Variants in KDM5A observed in about 807,000 individuals in gnomAD.
KDM5A encodes lysine-specific demethylase 5A.
In KDM5A, 42 loss-of-function variants were observed where a neutral mutation model predicts 193.5. The ratio of observed to expected loss-of-function variants is 0.22; its 90% CI spans 0.17 to 0.28. KDM5A has a LOEUF of 0.28. Among genes scored for constraint, KDM5A ranks in the 10% least tolerant of loss-of-function variants. The pLI is 1.00. For synonymous variants in KDM5A, 796 were observed against 718.1 expected, an observed-to-expected ratio of 1.11 and a Z score of -1.73; for missense variants, 1,692 against 2,055.1, an observed-to-expected ratio of 0.82 and a Z score of 3.42.
At position 293,125 on chromosome 12, in the gene KDM5A, G is replaced by T; in HGVS notation, c.4500C>A (p.Asp1500Glu). ...TCCGTTTCCGTTTCTTCTCTGAAGA[G>T]TCCTTTCCTTTCACTTTTAGTGGTT... ...EEKPLKVKGK[D>E]SSEKKRKRKL... The change falls in exon 27 of 28, where the codon GAC (aspartate) becomes GAA (glutamate). Residue 1500 changes from aspartate (D) to glutamate (E), a missense_variant. Asp to Glu is a conservative substitution (Grantham distance 45). Transcript: ENST00000399788. The T allele has an allele frequency of 6.2e-7, 1 of 1,608,330 alleles. No individual in the cohort carries two copies. Among genetic ancestry groups the T allele is most frequent in the East Asian group, 2.2e-5 (1 of 44,854 alleles).
chr12:282,173 AAG>A lies in KDM5A; in HGVS notation c.*3281_*3282del, dbSNP rs1338134087. On this transcript the variant is annotated 3_prime_UTR_variant, in exon 28 of 28. Coordinates refer to ENST00000399788, the MANE Select transcript of KDM5A (RefSeq NM_001042603.3). ...CAGCTTAGCCTCTGTCCTTTAAAAA[AAG>A]AGAGAGACAGACAGACACATGGGGT... The A allele has an allele frequency of 2.0e-5, 5 of 252,416 alleles. No individual in the cohort carries two copies. Among genetic ancestry groups the A allele is most frequent in the East Asian group, 5.9e-5 (1 of 16,828 alleles). 15.6% of individuals were successfully genotyped at this position (252,416 alleles called of 1,614,324 possible). A position where few individuals can be genotyped will look rare whatever the true frequency, so the allele number is the denominator to read the frequency against.
intron 3 of KDM5A, among the ~76,000 whole-genome samples, chr12:380,294 A>C (rs908852142): frequency 6.6e-6 from 1 of 151,992 alleles, no homozygotes; most frequent in African/African-American, 2.4e-5. Flanking sequence ...TTAACTTACC[A>C]TCAGATTAAA....
In KDM5A at chr12:331,474, G is replaced by C. The variant is rs868186144; in HGVS notation, c.1773+345C>G. On this transcript the variant is annotated intron_variant, in intron 13 of 27. Transcript: ENST00000399788. ...CTCTTCTGAGCATCTGACCAGAAGGGAGGGAGTCAAAATAAAGGAAAGAAG... is the reference window on the plus strand; with the variant it reads ...CTCTTCTGAGCATCTGACCAGAAGGCAGGGAGTCAAAATAAAGGAAAGAAG... 2.0e-5 allele frequency among the ~76,000 whole-genome samples: 3 copies of C among 152,230 alleles called. No homozygotes were observed. The South Asian group carries it at 6.2e-4, about 32-fold the overall frequency.
intron 3 of KDM5A, among the ~76,000 whole-genome samples, chr12:380,228 C>T (rs79754263): frequency 0.052 from 7,883 of 150,836 alleles, 554 homozygotes; most frequent in East Asian, 0.3. Flanking sequence ...GAGATCACGC[C>T]TCTAGCCTGG....
At chr12:318,016 A>C in intron 19 of KDM5A, 90 bp downstream of exon 19, 1 of 998,460 alleles carries the variant, frequency 1.0e-6, no homozygotes. Context: ...AAAAAAAGTC[A>C]TTTAATGAAA....
chr12:310,086 T>A (rs1943565077), intron 21 of KDM5A, 122 bp from the exon 22 acceptor site: 2 of 909,716 alleles, frequency 2.2e-6, no homozygotes, highest in Non-Finnish European at 3.4e-6. Flanking sequence ...AAGGACTTTA[T>A]ACACATGATC....
chr12:350,329 G>A (rs1375441083), intron 10 of KDM5A, among the ~76,000 whole-genome samples: 2 of 151,176 alleles, frequency 1.3e-5, no homozygotes, highest in African/African-American at 4.9e-5. Context: ...CCAGCTACTC[G>A]GAAGGCTGAG....
Position 307,191 on chromosome 12 carries a change from G to C in KDM5A, c.3931-102C>G. ...CCAAAATGTAATGAATAAGCAAAGTGGCTAACAGAGTTCTTCAACAGTTAG... is the reference window on the plus strand; with the variant it reads ...CCAAAATGTAATGAATAAGCAAAGTCGCTAACAGAGTTCTTCAACAGTTAG... On this transcript the variant is annotated intron_variant, in intron 23 of 27. Coordinates refer to ENST00000399788, the MANE Select transcript of KDM5A (RefSeq NM_001042603.3). The surrounding 1 kb of genome is among the most constrained non-coding windows in gnomAD (Gnocchi z 4.3). The C allele has an allele frequency of 7.4e-7, 1 of 1,358,972 alleles. No individual in the cohort carries two copies. Among genetic ancestry groups the C allele is most frequent in the Non-Finnish European group, 1.0e-6 (1 of 959,558 alleles). 84.2% of individuals were successfully genotyped at this position (1,358,972 alleles called of 1,614,324 possible). A position where few individuals can be genotyped will look rare whatever the true frequency, so the allele number is the denominator to read the frequency against.
intron 27 of KDM5A, chr12:286,143 C>T: frequency 4.0e-6 from 2 of 503,054 alleles, no homozygotes; most frequent in South Asian, 3.0e-5. Context: ...GAAAAGCAGT[C>T]ACATAGGCCA....
chr12:387,541 C>G (rs1944652873), intron 1 of KDM5A, among the ~76,000 whole-genome samples: 1 of 152,104 alleles, frequency 6.6e-6, no homozygotes, highest in Non-Finnish European at 1.5e-5. Flanking sequence ...ATCATCATAG[C>G]AATTATTTGT....
chr12:329,467 AAGAAC>A (rs1239757321), intron 13 of KDM5A, among the ~76,000 whole-genome samples: 5 of 152,046 alleles, frequency 3.3e-5, no homozygotes, highest in Admixed American at 2.6e-4. Flanking sequence ...ATAGAACAAA[AAGAAC>A]AGATGTTATT....
chr12:308,040 C>A, intron 22 of KDM5A, 35 bp from the exon 23 acceptor site: 1 of 1,581,580 alleles, frequency 6.3e-7, no homozygotes. Context: ...AAAAGAGTCA[C>A]TGCAATATAC....
At chr12:383,408 G>C (rs944814075) in intron 3 of KDM5A, among the ~76,000 whole-genome samples, 2 of 151,792 alleles carry the variant, frequency 1.3e-5, no homozygotes. Flanking sequence ...GTAGACATAG[G>C]GTTTCACCAT....
chr12:323,539 T>C (rs1307976633), intron 15 of KDM5A, 61 bp downstream of exon 15: 5 of 1,466,432 alleles, frequency 3.4e-6, no homozygotes, highest in Non-Finnish European at 4.8e-6. Context: ...TAAGTAAAAA[T>C]AACATTAAAA....
intron 22 of KDM5A, among the ~76,000 whole-genome samples, chr12:309,370 A>G (rs1222653267): frequency 2.0e-5 from 3 of 152,202 alleles, no homozygotes; most frequent in Non-Finnish European, 4.4e-5. Flanking sequence ...CTTTATTTTA[A>G]AAGTCTGATG....
intron 12 of KDM5A, 148 bp downstream of exon 12, chr12:333,339 A>G: frequency 1.2e-6 from 1 of 812,582 alleles, no homozygotes; most frequent in Non-Finnish European, 2.0e-6. Flanking sequence ...GAACTGCTTG[A>G]GCTGAGCAGG....
chr12:369,844 A>G (rs1308051288), intron 3 of KDM5A, among the ~76,000 whole-genome samples: 1 of 152,218 alleles, frequency 6.6e-6, no homozygotes, highest in African/African-American at 2.4e-5. Flanking sequence ...TTTGTATTCA[A>G]AGCATTTCAA....
intron 13 of KDM5A, among the ~76,000 whole-genome samples, chr12:330,085 G>GTGTGTGTGTGTATGTA (rs377271333): frequency 7.2e-6 from 1 of 139,322 alleles, no homozygotes; most frequent in Non-Finnish European, 1.5e-5. Context: ...GTGTGTGTGT[G>GTGTGTGTGTGTATGTA]TATATATATA....
intron 18 of KDM5A, among the ~76,000 whole-genome samples, chr12:318,728 C>A (rs1335150528): frequency 6.6e-6 from 1 of 152,152 alleles, no homozygotes; most frequent in East Asian, 1.9e-4. Flanking sequence ...TTTCTAGGCA[C>A]ACAGTATTAA....
Sources: gnomAD v4.1 joint callset for allele counts (sites outside exome capture counted in the v4.1 genomes callset) on GRCh38, gnomAD v4.1.1 for gene constraint, Gnocchi (gnomAD v3.1) non-coding constraint, MANE v1.5 for transcripts, NCBI Gene and HGNC (gene_info 2026-07-23, HGNC 2026-07-21) for gene names.